Variants in AUTS2 observed in about 807,000 individuals in gnomAD.
AUTS2 encodes activator of transcription and developmental regulator AUTS2.
AUTS2 carries 17 observed loss-of-function variants against 112.4 expected under a neutral mutation model. The ratio of observed to expected loss-of-function variants is 0.15; its 90% confidence interval spans 0.10 to 0.23. The LOEUF (loss-of-function observed/expected upper bound fraction) is 0.23. AUTS2 is among the 10% of genes least tolerant of loss of function. The pLI is 1.00. For missense variants in AUTS2, 1,510 were observed against 1,701.6 expected (o/e 0.89, Z 1.98); for synonymous variants, 751 against 702.7 (o/e 1.07, Z -1.09).
intron 1 of AUTS2, among the ~76,000 whole-genome samples, chr7:69,613,096 A>G (rs1453193438): frequency 6.6e-6 from 1 of 152,230 alleles, no homozygotes; most frequent in Non-Finnish European, 1.5e-5. Flanking sequence ...AGAGCCGTTA[A>G]ATCAACTTGG....
intron 2 of AUTS2, among the ~76,000 whole-genome samples, chr7:70,095,927 AG>A (rs764262426): frequency 1.3e-5 from 2 of 152,240 alleles, no homozygotes; most frequent in Non-Finnish European, 2.9e-5. Context: ...TTTTAAGAAC[AG>A]CAAGGTAGCA....
intron 4 of AUTS2, among the ~76,000 whole-genome samples, chr7:70,332,512 A>G (rs1790801189): frequency 6.6e-6 from 1 of 152,106 alleles, no homozygotes; most frequent in African/African-American, 2.4e-5. Context: ...CAAGACAATC[A>G]TAAGGAAAAA....
chr7:70,518,979 C>T (rs1041695381), intron 5 of AUTS2, among the ~76,000 whole-genome samples: 1 of 152,106 alleles, frequency 6.6e-6, no homozygotes, highest in Admixed American at 6.5e-5. Context: ...GCCGGGATTA[C>T]AGGCATGAGC....
Position 69,614,311 on chromosome 7 carries a change from C to T in AUTS2, c.309+14349C>T, listed in dbSNP as rs187586564. On this transcript the variant is annotated intron_variant, in intron 1 of 18. Coordinates refer to ENST00000342771, the MANE Select transcript of AUTS2 (RefSeq NM_015570.4). Reference sequence around the variant, plus strand: ...CACACTTCTCTCAAGAGTCACTCTCCGTCTCTTTCTTTCTTTCTTTCTTTC... The same window carrying T: ...CACACTTCTCTCAAGAGTCACTCTCTGTCTCTTTCTTTCTTTCTTTCTTTC... Among the ~76,000 whole-genome samples, 770 of 81,000 alleles carry T rather than the reference C, an allele frequency of 9.5e-3. 3 individuals are homozygous for T. Among genetic ancestry groups the T allele is most frequent in the Non-Finnish European group, 0.01 (393 of 38,128 alleles). The allele number at this position is 81,000 out of a possible 152,430, so 53.1% of individuals were successfully genotyped here. A position where few individuals can be genotyped will look rare whatever the true frequency, so the allele number is the denominator to read the frequency against.
At chr7:70,180,109 T>C (rs1331983174) in intron 4 of AUTS2, among the ~76,000 whole-genome samples, 1 of 152,222 alleles carries the variant, frequency 6.6e-6, no homozygotes, top group Non-Finnish European at 1.5e-5. Context: ...CACAGGTCTT[T>C]CTAAGGCAAA....
chr7:70,057,842 G>C (rs1439112395), intron 2 of AUTS2, among the ~76,000 whole-genome samples: 2 of 152,174 alleles, frequency 1.3e-5, no homozygotes, highest in African/African-American at 2.4e-5. Context: ...TACAGTGCTG[G>C]GTGCTCAAAA....
At chr7:70,604,246 T>G (rs1385542382) in intron 5 of AUTS2, among the ~76,000 whole-genome samples, 1 of 152,216 alleles carries the variant, frequency 6.6e-6, no homozygotes, top group Non-Finnish European at 1.5e-5. Context: ...TGACTGTCGC[T>G]TGGTTCCATT....
intron 1 of AUTS2, among the ~76,000 whole-genome samples, chr7:69,600,544 T>TC (rs1792335732): frequency 6.7e-6 from 1 of 148,270 alleles, no homozygotes; most frequent in African/African-American, 2.5e-5. Flanking sequence ...TATTCTTTTT[T>TC]TTTTTTTTTT....
At chr7:69,904,217 T>C (rs571273776) in intron 2 of AUTS2, among the ~76,000 whole-genome samples, 86 of 152,328 alleles carry the variant, frequency 5.6e-4, no homozygotes, top group Admixed American at 1.9e-3. Flanking sequence ...CCATGCTCTT[T>C]CCTGTTGAGA....
At chr7:70,361,084 G>T (rs970681199) in intron 4 of AUTS2, among the ~76,000 whole-genome samples, 2 of 152,152 alleles carry the variant, frequency 1.3e-5, no homozygotes, top group Admixed American at 6.5e-5. Context: ...GGTGGCTCAC[G>T]CGTGTAATCC....
At chr7:70,421,784 C>T (rs1037265587) in intron 4 of AUTS2, among the ~76,000 whole-genome samples, 1 of 152,168 alleles carries the variant, frequency 6.6e-6, no homozygotes, top group African/African-American at 2.4e-5. Flanking sequence ...ATTGTAATTG[C>T]AGCATTCAGA....
At chr7:69,909,735 T>C (rs1795281209) in intron 2 of AUTS2, among the ~76,000 whole-genome samples, 1 of 152,230 alleles carries the variant, frequency 6.6e-6, no homozygotes, top group Admixed American at 6.5e-5. Flanking sequence ...GAATTTTTGT[T>C]TAAATAGCAA....
At chr7:70,646,270 T>C (rs960932191) in intron 5 of AUTS2, among the ~76,000 whole-genome samples, 2 of 152,168 alleles carry the variant, frequency 1.3e-5, no homozygotes, top group Non-Finnish European at 2.9e-5. Context: ...CAGGCAAATA[T>C]CAGCCTTTGC....
chr7:70,511,333 G>A (rs758966180), intron 5 of AUTS2, among the ~76,000 whole-genome samples: 3 of 151,636 alleles, frequency 2.0e-5, no homozygotes, highest in East Asian at 1.9e-4. Context: ...TTCCAAATGC[G>A]GAAACTGGAT....
At chr7:70,564,592 A>T (rs1801625391) in intron 5 of AUTS2, among the ~76,000 whole-genome samples, 1 of 152,178 alleles carries the variant, frequency 6.6e-6, no homozygotes, top group African/African-American at 2.4e-5. Context: ...CAGTTTATTT[A>T]TGTTTGCATA....
chr7:69,659,583 G>GTTTTTTTTTTTTTTTT (rs58289887), intron 1 of AUTS2, among the ~76,000 whole-genome samples: 1 of 81,268 alleles, frequency 1.2e-5, no homozygotes, highest in Non-Finnish European at 2.2e-5. Context: ...AGGCTTAGTT[G>GTTTTTTTTTTTTTTTT]TTTTTTTTTT....
intron 1 of AUTS2, among the ~76,000 whole-genome samples, chr7:69,733,291 G>C (rs938922942): frequency 1.3e-5 from 2 of 152,174 alleles, no homozygotes; most frequent in Non-Finnish European, 2.9e-5. Flanking sequence ...AGAGGGAACT[G>C]TTTTTAAACT....
At chr7:70,647,973 G>A (rs895644010) in intron 5 of AUTS2, among the ~76,000 whole-genome samples, 28 of 152,132 alleles carry the variant, frequency 1.8e-4, no homozygotes, top group African/African-American at 6.8e-4. Context: ...TCACCCCATG[G>A]CCTGATGTAG....
At chr7:69,659,681 G>A (rs1795706496) in intron 1 of AUTS2, among the ~76,000 whole-genome samples, 1 of 141,346 alleles carries the variant, frequency 7.1e-6, no homozygotes, top group Admixed American at 7.7e-5. Flanking sequence ...CCAGAGCCAA[G>A]TTTCAAACCC....
Sources: allele counts gnomAD v4.1 joint callset (sites outside exome capture counted in the v4.1 genomes callset), GRCh38; gene constraint gnomAD v4.1.1; transcripts MANE v1.5; gene names NCBI Gene and HGNC (gene_info 2026-07-23, HGNC 2026-07-21).